MYO3B: variants seen among roughly 807,000 people sequenced by gnomAD.
MYO3B encodes the protein myosin-IIIb.
Under a neutral mutation model 174.6 loss-of-function variants are expected in MYO3B, and 156 were observed. That is an observed-to-expected ratio of 0.89 (90% CI 0.78 to 1.02). MYO3B has a LOEUF of 1.02. Among genes scored for constraint, MYO3B ranks in the 50% least tolerant of loss-of-function variants. The pLI, the probability that MYO3B is intolerant of heterozygous loss-of-function variation, is 0.00. For synonymous variants in MYO3B, 563 were observed against 569.1 expected, an observed-to-expected ratio of 0.99 and a Z score of 0.15; for missense variants, 1,632 against 1,639.4, an observed-to-expected ratio of 1.00 and a Z score of 0.08.
At chr2:170,488,151 G>A (rs2106034266) in intron 25 of MYO3B, among the ~76,000 whole-genome samples, 1 of 152,248 alleles carries the variant, frequency 6.6e-6, no homozygotes, top group East Asian at 1.9e-4. Flanking sequence ...ATATTCTAGT[G>A]GTAAGGATGT....
intron 8 of MYO3B, 46 bp from the exon 9 acceptor site, chr2:170,369,176 G>A (rs2094220526): frequency 1.9e-6 from 3 of 1,575,016 alleles, no homozygotes; most frequent in South Asian, 1.2e-5. Flanking sequence ...GGGGAACAGG[G>A]TGTCTAAGAT....
intron 33 of MYO3B, 78 bp from the exon 34 acceptor site, chr2:170,652,030 C>A: frequency 6.8e-7 from 1 of 1,473,136 alleles, no homozygotes; most frequent in South Asian, 1.2e-5. Context: ...TGCTTGCATT[C>A]AACACAAAAT....
chr2:170,447,788 A>T (rs946661399), intron 23 of MYO3B, among the ~76,000 whole-genome samples: 12 of 152,166 alleles, frequency 7.9e-5, no homozygotes, highest in Admixed American at 6.5e-4. Flanking sequence ...GTAGTCAAGG[A>T]TTGGAGTTTT....
intron 22 of MYO3B, among the ~76,000 whole-genome samples, chr2:170,417,017 C>T (rs1351759283): frequency 2.6e-5 from 4 of 151,864 alleles, no homozygotes; most frequent in African/African-American, 7.3e-5. Flanking sequence ...TTAGTAGAGA[C>T]GGGGTTTCAC....
At chr2:170,396,304 C>A (rs1040014115) in intron 16 of MYO3B, among the ~76,000 whole-genome samples, 3 of 152,046 alleles carry the variant, frequency 2.0e-5, no homozygotes, top group Admixed American at 6.5e-5. Context: ...GTTGGGGAGA[C>A]AATAAGAAAA....
intron 9 of MYO3B, among the ~76,000 whole-genome samples, chr2:170,375,852 G>A (rs2094288902): frequency 6.6e-6 from 1 of 152,042 alleles, no homozygotes; most frequent in Non-Finnish European, 1.5e-5. Flanking sequence ...CACACAGGAG[G>A]TTAAATATCC....
At chr2:170,495,493 T>G (rs1686806517) in intron 25 of MYO3B, among the ~76,000 whole-genome samples, 2 of 152,162 alleles carry the variant, frequency 1.3e-5, no homozygotes, top group African/African-American at 4.8e-5. Context: ...TAAATTAAGA[T>G]GTTTTGGTTG....
rs111635576 is a variant in MYO3B at position 170,530,349 on chromosome 2, G to T, written c.3575+10809G>T. On this transcript the variant is annotated intron_variant, in intron 30 of 34. Transcript: ENST00000408978. ...GACGCAGGTGGGAGTGGCCTTCCTC[G>T]CTCTGATCCAGACCCTCCCGGGAGA... Among the ~76,000 whole-genome samples the T allele has an allele frequency of 9.1e-3, 1,388 of 152,278 alleles. 9 individuals carry two copies. Among genetic ancestry groups the T allele is most frequent in the Non-Finnish European group, 0.013 (883 of 67,998 alleles).
chr2:170,248,624 T>G (rs1023812880), intron 7 of MYO3B, among the ~76,000 whole-genome samples: 19 of 152,232 alleles, frequency 1.2e-4, no homozygotes, highest in African/African-American at 4.6e-4. Context: ...TCTTGACTTG[T>G]GGCTCCCTTC....
chr2:170,430,327 A>G (rs747856428), intron 22 of MYO3B, among the ~76,000 whole-genome samples: 77 of 151,496 alleles, frequency 5.1e-4, no homozygotes, highest in Non-Finnish European at 7.4e-4. Context: ...GGTTTTCAAC[A>G]TTCCCATCAA....
chr2:170,342,230 T>G (rs1331026482), intron 8 of MYO3B: 2 of 152,262 alleles, frequency 1.3e-5, no homozygotes, highest in East Asian at 3.8e-4. Flanking sequence ...AGCTGACTTT[T>G]GTAGCTGCTG....
intron 7 of MYO3B, among the ~76,000 whole-genome samples, chr2:170,285,271 G>T (rs925031850): frequency 2.0e-5 from 3 of 151,946 alleles, no homozygotes; most frequent in Non-Finnish European, 4.4e-5. Context: ...CATTCCAAAG[G>T]GTTTTTTTTG....
intron 14 of MYO3B, among the ~76,000 whole-genome samples, chr2:170,388,700 G>C (rs1023854268): frequency 6.6e-6 from 1 of 152,192 alleles, no homozygotes; most frequent in African/African-American, 2.4e-5. Context: ...AGATTCATGT[G>C]AGAGAGAACG....
At chr2:170,488,563 A>G (rs1686220951) in intron 25 of MYO3B, among the ~76,000 whole-genome samples, 1 of 152,224 alleles carries the variant, frequency 6.6e-6, no homozygotes, top group Admixed American at 6.5e-5. Context: ...TTCATACGTT[A>G]TGAGGGAACT....
At position 170,214,645 on chromosome 2, in the gene MYO3B, A is replaced by G. The variant is rs561780065; in HGVS notation, c.427-84A>G. ...ATGTAGACTTTCATGAGACTTTTCAATAGTAGGGTAATTGCTTTAAAATAA... is the reference window on the plus strand; with the variant it reads ...ATGTAGACTTTCATGAGACTTTTCAGTAGTAGGGTAATTGCTTTAAAATAA... On this transcript the variant is annotated intron_variant, in intron 4 of 34. Coordinates refer to ENST00000408978, the MANE Select transcript of MYO3B (RefSeq NM_138995.5). 13 of 1,374,948 alleles carry G rather than the reference A, an allele frequency of 9.5e-6. No individual in the cohort carries two copies. The East Asian group carries it at 1.2e-4, about 12-fold the overall frequency. 85.2% of individuals were successfully genotyped at this position (1,374,948 alleles called of 1,614,324 possible). A position where few individuals can be genotyped will look rare whatever the true frequency, so the allele number is the denominator to read the frequency against.
chr2:170,522,515 C>T (rs1688736808), intron 30 of MYO3B, among the ~76,000 whole-genome samples: 1 of 152,220 alleles, frequency 6.6e-6, no homozygotes, highest in South Asian at 2.1e-4. Context: ...GCTTTCATTT[C>T]TCACACCTGA....
chr2:170,387,105 G>A lies in MYO3B; in HGVS notation c.1375-1G>A. On this transcript the variant is annotated splice_acceptor_variant, in intron 13 of 34. Transcript: ENST00000408978. LOFTEE classifies it high-confidence loss of function. ...TCTTGACCGTTCTCTGTTTGGCACA[G>A]GCCAATAATCAGACCTTGAGAGAGA... The A allele has an allele frequency of 6.2e-7, 1 of 1,613,846 alleles. No homozygotes were observed. The highest frequency in any genetic ancestry group is 8.5e-7 in the Non-Finnish European group (1 of 1,179,804).
In MYO3B at chr2:170,527,793, C is replaced by T. The variant is rs77782439; in HGVS notation, c.3575+8253C>T. On this transcript the variant is annotated intron_variant, in intron 30 of 34. Transcript: ENST00000408978. Reference sequence around the variant, plus strand: ...ACCATAGGAAACGTTTAGATGACTACCTAGTACGTAGTTAAGTGGACAAAA... The same window carrying T: ...ACCATAGGAAACGTTTAGATGACTATCTAGTACGTAGTTAAGTGGACAAAA... Among the ~76,000 whole-genome samples, 566 of 152,306 alleles carry T rather than the reference C, an allele frequency of 3.7e-3. 3 individuals carry two copies. Among genetic ancestry groups the T allele is most frequent in the African/African-American group, 0.013 (532 of 41,572 alleles).
intron 7 of MYO3B, among the ~76,000 whole-genome samples, chr2:170,320,427 A>G (rs900362076): frequency 2.6e-5 from 4 of 152,234 alleles, no homozygotes; most frequent in Non-Finnish European, 4.4e-5. Context: ...TATGAAAAAT[A>G]CAAGGAGATG....
Sources: allele counts gnomAD v4.1 joint callset (sites outside exome capture counted in the v4.1 genomes callset), GRCh38; gene constraint gnomAD v4.1.1; transcripts MANE v1.5; gene names NCBI Gene and HGNC (gene_info 2026-07-23, HGNC 2026-07-21).